The following TAS2R1 variants were observed in gnomAD, a reference collection of about 807,000 sequenced individuals.
TAS2R1 encodes the protein taste 2 receptor member 1, also known as taste receptor type 2 member 1.
For synonymous variants in TAS2R1, 141 were observed against 134.2 expected, an observed-to-expected ratio of 1.05 and a Z score of -0.35; for missense variants, 370 against 353.4, an observed-to-expected ratio of 1.05 and a Z score of -0.38.
the TAS2R1 span, among the ~76,000 whole-genome samples, chr5:9,863,999 G>T: frequency 6.6e-6 from 1 of 152,302 alleles, no homozygotes; most frequent in Middle Eastern, 3.4e-3. Context: ...ATGACCTAGA[G>T]CTTAGACCAA....
At chr5:9,854,437 C>T in the TAS2R1 span, 1 of 152,068 alleles carries the variant, frequency 6.6e-6, no homozygotes, top group Non-Finnish European at 1.5e-5. Flanking sequence ...CAATTCAACA[C>T]GTAATATTCC....
the TAS2R1 span, among the ~76,000 whole-genome samples, chr5:9,743,416 C>A: frequency 4.0e-5 from 6 of 151,798 alleles, no homozygotes; most frequent in Non-Finnish European, 7.4e-5. Flanking sequence ...TGTGCTGCAC[C>A]CATTAACTTG....
chr5:9,823,389 C>A, the TAS2R1 span, among the ~76,000 whole-genome samples: 4 of 151,004 alleles, frequency 2.6e-5, no homozygotes, highest in Non-Finnish European at 4.4e-5. Flanking sequence ...TTATATATAA[C>A]TATGCTCTTG....
rs151204546 is a variant in TAS2R1, at chr5:9,691,010, G to A, written c.-242+21162C>T. 1.7e-4 allele frequency among the ~76,000 whole-genome samples: 26 copies of A among 152,288 alleles called. No individual in the cohort carries two copies. In the East Asian group the frequency reaches 3.1e-3, roughly 18 times the overall value. ...GTAGCCCGGGGAGATAAACGTGGGC[G>A]TCTCTGCACTGTCATGGGTTGGATG... On this transcript the variant is annotated intron_variant, in intron 1 of 2. Transcript: ENST00000506620.
At chr5:9,849,219 A>C in the TAS2R1 span, among the ~76,000 whole-genome samples, 1 of 152,336 alleles carries the variant, frequency 6.6e-6, no homozygotes, top group African/African-American at 2.4e-5. Flanking sequence ...GCTTAGAGTC[A>C]AGCAAGTCTA....
intron 1 of TAS2R1, among the ~76,000 whole-genome samples, chr5:9,701,038 CA>C (rs775489829): frequency 3.5e-5 from 5 of 141,524 alleles, no homozygotes; most frequent in Non-Finnish European, 7.4e-5. Flanking sequence ...CAACATTTCT[CA>C]AAAAAATGAT....
the TAS2R1 span, among the ~76,000 whole-genome samples, chr5:9,806,967 C>T: frequency 2.6e-5 from 4 of 151,964 alleles, no homozygotes; most frequent in African/African-American, 9.7e-5. Context: ...ACAGACAACC[C>T]ACAGAGTGGA....
the TAS2R1 span, among the ~76,000 whole-genome samples, chr5:9,780,569 C>G: frequency 6.6e-6 from 1 of 152,186 alleles, no homozygotes; most frequent in Non-Finnish European, 1.5e-5. Flanking sequence ...AGGGGCTCTT[C>G]CTTCTTCCGT....
At chr5:9,720,643 G>C in the TAS2R1 span, among the ~76,000 whole-genome samples, 1 of 152,202 alleles carries the variant, frequency 6.6e-6, no homozygotes, top group South Asian at 2.1e-4. Flanking sequence ...CAGTAGGAAT[G>C]TATGAACTGA....
At chr5:9,717,831 C>T in the TAS2R1 span, among the ~76,000 whole-genome samples, 1 of 151,972 alleles carries the variant, frequency 6.6e-6, no homozygotes, top group South Asian at 2.1e-4. Flanking sequence ...CTTCTACAAC[C>T]TATGTATATA....
the TAS2R1 span, among the ~76,000 whole-genome samples, chr5:9,796,742 A>G: frequency 2.0e-5 from 3 of 149,466 alleles, no homozygotes; most frequent in Non-Finnish European, 4.5e-5. Flanking sequence ...AAAAAAAAGA[A>G]AAGAAAAAAA....
At chr5:9,780,132 G>A in the TAS2R1 span, among the ~76,000 whole-genome samples, 1 of 152,188 alleles carries the variant, frequency 6.6e-6, no homozygotes, top group African/African-American at 2.4e-5. Context: ...ATAGAAGACT[G>A]CTGTTAATCA....
the TAS2R1 span, among the ~76,000 whole-genome samples, chr5:9,875,849 C>T: frequency 6.6e-5 from 10 of 152,132 alleles, no homozygotes; most frequent in Admixed American, 1.3e-4. Flanking sequence ...CTTGGTGAGT[C>T]CCGGAAAAAG....
the TAS2R1 span, among the ~76,000 whole-genome samples, chr5:9,871,418 T>C: frequency 6.6e-6 from 1 of 152,172 alleles, no homozygotes; most frequent in Non-Finnish European, 1.5e-5. Flanking sequence ...ACAGGAAGAT[T>C]TGGATGATGA....
chr5:9,887,198 C>G, the TAS2R1 span, among the ~76,000 whole-genome samples: 1 of 152,108 alleles, frequency 6.6e-6, no homozygotes, highest in Non-Finnish European at 1.5e-5. Flanking sequence ...TTGATCACAC[C>G]ACATAGTAAT....
chr5:9,742,093 C>T, the TAS2R1 span, among the ~76,000 whole-genome samples: 1 of 152,066 alleles, frequency 6.6e-6, no homozygotes, highest in African/African-American at 2.4e-5. Flanking sequence ...TGGGTTTCTC[C>T]ATGCTGGTCT....
chr5:9,630,791 TTA>T (rs753530830), upstream of TAS2R1, among the ~76,000 whole-genome samples: 29 of 152,192 alleles, frequency 1.9e-4, no homozygotes, highest in Non-Finnish European at 4.0e-4. Flanking sequence ...TTTTCCAAAA[TTA>T]TGAGAGTTTT....
the TAS2R1 span, among the ~76,000 whole-genome samples, chr5:9,785,677 C>T: frequency 2.0e-5 from 3 of 152,178 alleles, no homozygotes; most frequent in Non-Finnish European, 4.4e-5. Flanking sequence ...GTTTAACATT[C>T]CCTATAAACC....
At chr5:9,756,057 T>C in the TAS2R1 span, among the ~76,000 whole-genome samples, 1 of 152,316 alleles carries the variant, frequency 6.6e-6, no homozygotes, top group African/African-American at 2.4e-5. Flanking sequence ...CCAGCCCCAA[T>C]TTAAAATGGA....
Sources: gnomAD v4.1 joint callset for allele counts (sites outside exome capture counted in the v4.1 genomes callset) on GRCh38, gnomAD v4.1.1 for gene constraint, MANE v1.5 for transcripts, NCBI Gene and HGNC (gene_info 2026-07-23, HGNC 2026-07-21) for gene names.